Variants in PPP6R3 observed in about 807,000 individuals in gnomAD.
PPP6R3 encodes the protein protein phosphatase 6 regulatory subunit 3.
In PPP6R3, 38 loss-of-function variants were observed where a neutral mutation model predicts 110.7. The ratio of observed to expected loss-of-function variants is 0.34; its 90% CI spans 0.26 to 0.45. PPP6R3 has a LOEUF of 0.45. Among genes scored for constraint, PPP6R3 ranks in the 20% least tolerant of loss-of-function variants. PPP6R3 has a pLI of 1.00. For missense variants in PPP6R3, 870 were observed against 1,062.4 expected (o/e 0.82, Z 2.52); for synonymous variants, 369 against 373.5 (o/e 0.99, Z 0.14).
At chr11:68,471,633 C>T (rs377411641) in intron 1 of PPP6R3, among the ~76,000 whole-genome samples, 2 of 152,098 alleles carry the variant, frequency 1.3e-5, no homozygotes, top group African/African-American at 2.4e-5. Flanking sequence ...AGTAGAGCTC[C>T]GTCATGGGAT....
chr11:68,592,413 G>A (rs1487248778), intron 18 of PPP6R3, among the ~76,000 whole-genome samples: 1 of 152,176 alleles, frequency 6.6e-6, no homozygotes, highest in Admixed American at 6.5e-5. Context: ...GAATCAAAGA[G>A]TATGCAATGA....
chr11:68,471,812 G>GT (rs1400757967), intron 1 of PPP6R3, among the ~76,000 whole-genome samples: 2 of 152,148 alleles, frequency 1.3e-5, no homozygotes, highest in Non-Finnish European at 2.9e-5. Context: ...CAGGAAGTGG[G>GT]TGGGTGCCCA....
chr11:68,501,622 C>T (rs1447593287), intron 1 of PPP6R3, among the ~76,000 whole-genome samples: 3 of 152,234 alleles, frequency 2.0e-5, no homozygotes, highest in Non-Finnish European at 4.4e-5. Context: ...CCACTGTGCC[C>T]AGCCTTCAAA....
chr11:68,517,832 G>T (rs979350113), intron 1 of PPP6R3, among the ~76,000 whole-genome samples: 12 of 152,104 alleles, frequency 7.9e-5, no homozygotes, highest in African/African-American at 2.9e-4. Context: ...CAGCTACTCA[G>T]GAGGCTGAGG....
chr11:68,614,928 G>C lies in PPP6R3; in HGVS notation c.*1811G>C. On this transcript the variant is annotated 3_prime_UTR_variant, in exon 24 of 24. Transcript: ENST00000393800. ...GTGAGTTTTGCCAGCCATGGCCAGGGTTTGGCTCCACTGGTGGCACACGTG... is the reference window on the plus strand; with the variant it reads ...GTGAGTTTTGCCAGCCATGGCCAGGCTTTGGCTCCACTGGTGGCACACGTG... 1 of 689,348 alleles carries C rather than the reference G, an allele frequency of 1.5e-6. No individual in the cohort carries two copies. Among genetic ancestry groups the C allele is most frequent in the Non-Finnish European group, 2.6e-6 (1 of 390,000 alleles). 42.7% of individuals were successfully genotyped at this position (689,348 alleles called of 1,614,324 possible).
chr11:68,470,964 G>A (rs2098787035), intron 1 of PPP6R3, among the ~76,000 whole-genome samples: 1 of 152,010 alleles, frequency 6.6e-6, no homozygotes, highest in Non-Finnish European at 1.5e-5. Context: ...CTGCTCAAGG[G>A]AGAGATCTAG....
intron 7 of PPP6R3, among the ~76,000 whole-genome samples, chr11:68,555,086 T>C (rs1429466479): frequency 1.3e-5 from 2 of 152,206 alleles, no homozygotes; most frequent in Non-Finnish European, 2.9e-5. Flanking sequence ...TTAATGTGTC[T>C]TCAACCCTGT....
intron 2 of PPP6R3, among the ~76,000 whole-genome samples, chr11:68,526,354 C>T (rs1260287149): frequency 6.6e-6 from 1 of 152,124 alleles, no homozygotes; most frequent in Non-Finnish European, 1.5e-5. Context: ...ATCCTCCCAC[C>T]TCAGCCTCCT....
intron 1 of PPP6R3, 32 bp downstream of exon 1, chr11:68,460,859 C>A (rs1411077347): frequency 6.6e-6 from 1 of 152,318 alleles, no homozygotes; most frequent in South Asian, 2.1e-4. Context: ...CCGGAGCAGG[C>A]CGCGGCGCGG....
chr11:68,496,193 T>G (rs531457342), intron 1 of PPP6R3, among the ~76,000 whole-genome samples: 49 of 151,722 alleles, frequency 3.2e-4, no homozygotes, highest in Non-Finnish European at 5.7e-4. Context: ...TTTTTTTTTT[T>G]TTGTTGTTGT....
At chr11:68,569,603 T>A in intron 10 of PPP6R3, 145 bp from the exon 11 acceptor site, 1 of 642,552 alleles carries the variant, frequency 1.6e-6, no homozygotes, top group Non-Finnish European at 2.5e-6. Context: ...CAAGTACTAA[T>A]GTGAACTCAG....
intron 23 of PPP6R3, among the ~76,000 whole-genome samples, chr11:68,611,292 G>T (rs111333328): frequency 6.6e-6 from 1 of 152,136 alleles, no homozygotes; most frequent in African/African-American, 2.4e-5. Context: ...AGGCAGGATC[G>T]TCCAGGTCTA....
At chr11:68,574,038 C>A in intron 12 of PPP6R3, 71 bp from the exon 13 acceptor site, 1 of 1,064,208 alleles carries the variant, frequency 9.4e-7, no homozygotes, top group Non-Finnish European at 1.5e-6. Context: ...TAAAAGTCCG[C>A]AGTATTTACC....
chr11:68,539,394 G>A (rs1201578198), intron 3 of PPP6R3, among the ~76,000 whole-genome samples: 5 of 152,172 alleles, frequency 3.3e-5, no homozygotes, highest in Admixed American at 2.0e-4. Flanking sequence ...CGCACCCCCC[G>A]CCGTTATAAC....
intron 1 of PPP6R3, among the ~76,000 whole-genome samples, chr11:68,463,112 G>T (rs996236271): frequency 6.6e-6 from 1 of 152,056 alleles, no homozygotes; most frequent in African/African-American, 2.4e-5. Flanking sequence ...AGTGGCTCAC[G>T]CCTGTAATCC....
At position 68,567,153 on chromosome 11, in the gene PPP6R3, T is replaced by C. The variant is rs1161852815; in HGVS notation, c.1115T>C (p.Ile372Thr). 28 of 1,544,954 alleles carry C rather than the reference T, an allele frequency of 1.8e-5. No individual in the cohort carries two copies. Among genetic ancestry groups the C allele is most frequent in the Middle Eastern group, 1.7e-4 (1 of 5,994 alleles). The change falls in exon 10 of 24, where the codon ATT (isoleucine) becomes ACT (threonine). Residue 372 changes from isoleucine to threonine, a missense_variant. By Grantham distance (89) the Ile-to-Thr change is moderately conservative (BLOSUM62 -1). Coordinates refer to ENST00000393800, the MANE Select transcript of PPP6R3 (RefSeq NM_001164161.2). ...INGDLMELNSIGVILNMFFKY... is the reference protein window; with the variant it reads ...INGDLMELNSTGVILNMFFKY... ...GGGGACCTTATGGAGCTGAATAGCA[T>C]TGGAGTCATATTGGTGAGATTTTCC...
At chr11:68,470,016 A>C (rs1249554942) in intron 1 of PPP6R3, among the ~76,000 whole-genome samples, 1 of 152,138 alleles carries the variant, frequency 6.6e-6, no homozygotes, top group South Asian at 2.1e-4. Context: ...CCCCCACTCA[A>C]CATTGTTTCT....
intron 2 of PPP6R3, among the ~76,000 whole-genome samples, chr11:68,523,206 A>G (rs2153584146): frequency 6.6e-6 from 1 of 152,310 alleles, no homozygotes; most frequent in Non-Finnish European, 1.5e-5. Context: ...GGTCAGATAC[A>G]TCTGGCAGTC....
chr11:68,461,432 C>T (rs916344193), intron 1 of PPP6R3, among the ~76,000 whole-genome samples: 10 of 144,488 alleles, frequency 6.9e-5, no homozygotes, highest in African/African-American at 1.0e-4. Context: ...CTTTTTAACT[C>T]CTGTGAGGTG....
Sources: allele counts gnomAD v4.1 joint callset (sites outside exome capture counted in the v4.1 genomes callset), GRCh38; gene constraint gnomAD v4.1.1; transcripts MANE v1.5; gene names NCBI Gene and HGNC (gene_info 2026-07-23, HGNC 2026-07-21).